JPH3: variants seen among roughly 807,000 people sequenced by gnomAD.
JPH3 encodes junctophilin 3.
Under a neutral mutation model 59.6 loss-of-function variants are expected in JPH3, and 11 were observed. The ratio of observed to expected loss-of-function variants is 0.18; its 90% confidence interval spans 0.12 to 0.31. JPH3 has a LOEUF of 0.31. Among genes scored for constraint, JPH3 ranks in the 10% least tolerant of loss-of-function variants. The pLI is 1.00. For synonymous variants in JPH3, 673 were observed against 483.6 expected (o/e 1.39, Z -5.14); for missense variants, 1,202 against 1,105.7 (o/e 1.09, Z -1.24).
chr16:87,608,018 C>T (rs950827683), intron 1 of JPH3, among the ~76,000 whole-genome samples: 20 of 152,390 alleles, frequency 1.3e-4, no homozygotes, highest in Non-Finnish European at 1.3e-4. Flanking sequence ...CCCCTACCCA[C>T]GTTGGCCGTG....
At chr16:87,624,841 C>T (rs1158978848) in intron 1 of JPH3, among the ~76,000 whole-genome samples, 1 of 152,152 alleles carries the variant, frequency 6.6e-6, no homozygotes, top group Admixed American at 6.5e-5. Context: ...CTCTTGTTGC[C>T]CAGGCTGGAG....
intron 1 of JPH3, among the ~76,000 whole-genome samples, chr16:87,625,968 G>T (rs565015184): frequency 5.6e-4 from 85 of 152,316 alleles, no homozygotes; most frequent in Non-Finnish European, 9.0e-4. Context: ...GACAGGCCAG[G>T]GGCTCAGAAG....
At chr16:87,655,025 C>G (rs1307929720) in intron 2 of JPH3, 1 of 152,358 alleles carries the variant, frequency 6.6e-6, no homozygotes, top group South Asian at 2.1e-4. Context: ...GGCAAGTTTC[C>G]TTAGCCAGGG....
chr16:87,654,383 C>G (rs1400004461), intron 2 of JPH3: 2 of 152,198 alleles, frequency 1.3e-5, no homozygotes, highest in Non-Finnish European at 2.9e-5. Context: ...TGGTGAGTTC[C>G]CTGAAGCTAG....
chr16:87,641,097 G>A (rs780514315), intron 1 of JPH3, among the ~76,000 whole-genome samples: 1 of 152,224 alleles, frequency 6.6e-6, no homozygotes, highest in Non-Finnish European at 1.5e-5. Context: ...TGCCCCCTCT[G>A]CCTCCTCCCC....
chr16:87,679,949 C>T (rs368969447), intron 2 of JPH3, among the ~76,000 whole-genome samples: 1 of 152,250 alleles, frequency 6.6e-6, no homozygotes, highest in Non-Finnish European at 1.5e-5. Context: ...TGGGTGCACC[C>T]CAACCCCACC....
At chr16:87,694,762 C>T (rs192306784) in intron 4 of JPH3, 3 of 173,584 alleles carry the variant, frequency 1.7e-5, no homozygotes, top group African/African-American at 7.2e-5. Flanking sequence ...CCAATTCTAT[C>T]TAGATCAGCT....
intron 2 of JPH3, among the ~76,000 whole-genome samples, chr16:87,648,873 G>T (rs2032239487): frequency 6.6e-6 from 1 of 152,224 alleles, no homozygotes. Context: ...TCTAGGTGGG[G>T]GCCCCAGCAC....
At chr16:87,622,768 G>A (rs2031236837) in intron 1 of JPH3, among the ~76,000 whole-genome samples, 1 of 152,114 alleles carries the variant, frequency 6.6e-6, no homozygotes, top group African/African-American at 2.4e-5. Context: ...GCCGCTGAGA[G>A]GCCTGGTCCT....
intron 2 of JPH3, among the ~76,000 whole-genome samples, chr16:87,679,452 C>G (rs2033231600): frequency 6.6e-6 from 1 of 152,212 alleles, no homozygotes; most frequent in African/African-American, 2.4e-5. Context: ...TCTGCAGAAG[C>G]TTCCCTCTTC....
At chr16:87,627,147 G>A (rs1034631719) in intron 1 of JPH3, among the ~76,000 whole-genome samples, 17 of 152,334 alleles carry the variant, frequency 1.1e-4, no homozygotes, top group African/African-American at 2.6e-4. Context: ...AAGTTCTCCA[G>A]GTGATTCCAA....
At position 87,696,881 on chromosome 16, in the gene JPH3, T is replaced by C. The variant is rs2033885405; in HGVS notation, c.*221T>C. The stretch of plus-strand genomic sequence containing the variant: ...AAAATTCTTTGCTTGTATAACACTC[T>C]GCTGTGTGGCATGGCAGAAGGAGGC... On this transcript the variant is annotated 3_prime_UTR_variant, in exon 5 of 5. Coordinates refer to ENST00000284262, the MANE Select transcript of JPH3 (RefSeq NM_020655.4). The C allele has an allele frequency of 9.3e-6, 5 of 536,624 alleles. No homozygotes were observed. Among genetic ancestry groups the C allele is most frequent in the Non-Finnish European group, 1.7e-5 (5 of 296,482 alleles). 33.2% of individuals were successfully genotyped at this position (536,624 alleles called of 1,614,324 possible).
intron 2 of JPH3, chr16:87,653,722 T>A (rs2032401522): frequency 6.6e-6 from 1 of 152,210 alleles, no homozygotes; most frequent in African/African-American, 2.4e-5. Context: ...AATGTGATCG[T>A]GACTGTAATT....
chr16:87,663,284 C>T lies in JPH3; in HGVS notation c.1160+18249C>T, dbSNP rs536028674. Among the ~76,000 whole-genome samples, 4 of 152,138 alleles carry T rather than the reference C, an allele frequency of 2.6e-5. No individual in the cohort carries two copies. In the South Asian group the frequency reaches 8.3e-4, roughly 32 times the overall value. ...CCACGTGTCCAGCTAATTTTTGTATCTTTAGTAGAGACAAGGCTTCACCAC... is the reference window on the plus strand; with the variant it reads ...CCACGTGTCCAGCTAATTTTTGTATTTTTAGTAGAGACAAGGCTTCACCAC... On this transcript the variant is annotated intron_variant, in intron 2 of 4. Coordinates refer to ENST00000284262, the MANE Select transcript of JPH3 (RefSeq NM_020655.4).
intron 1 of JPH3, among the ~76,000 whole-genome samples, chr16:87,635,077 C>T (rs1463628982): frequency 2.6e-5 from 4 of 152,176 alleles, no homozygotes; most frequent in Non-Finnish European, 4.4e-5. Flanking sequence ...TGGGTGGGGG[C>T]TTTTGCCTGC....
chr16:87,646,604 C>T (rs371931083), intron 2 of JPH3, among the ~76,000 whole-genome samples: 38 of 152,312 alleles, frequency 2.5e-4, no homozygotes, highest in South Asian at 6.2e-4. Flanking sequence ...ATCGGCCGAG[C>T]GCTCTCCTTG....
intron 1 of JPH3, among the ~76,000 whole-genome samples, chr16:87,638,927 C>T (rs1234908161): frequency 6.6e-6 from 1 of 152,108 alleles, no homozygotes; most frequent in African/African-American, 2.4e-5. Context: ...AGCCTGGTGC[C>T]TTTGCAGTGG....
chr16:87,649,904 A>T (rs767074708), intron 2 of JPH3, among the ~76,000 whole-genome samples: 2 of 152,186 alleles, frequency 1.3e-5, no homozygotes, highest in Non-Finnish European at 2.9e-5. Flanking sequence ...CTCAGCCAGG[A>T]TTTGATGGGA....
At chr16:87,633,567 C>G (rs969687589) in intron 1 of JPH3, among the ~76,000 whole-genome samples, 1 of 151,764 alleles carries the variant, frequency 6.6e-6, no homozygotes, top group Admixed American at 6.6e-5. Flanking sequence ...TTTGGGAGGC[C>G]GAGGCAGGCG....
Sources: allele counts gnomAD v4.1 joint callset (sites outside exome capture counted in the v4.1 genomes callset), GRCh38; gene constraint gnomAD v4.1.1; transcripts MANE v1.5; gene names NCBI Gene and HGNC (gene_info 2026-07-23, HGNC 2026-07-21).